Variants in MTHFD2 observed in about 807,000 individuals in gnomAD.
MTHFD2 encodes methylenetetrahydrofolate dehydrogenase (NADP+ dependent) 2, methenyltetrahydrofolate cyclohydrolase.
MTHFD2 carries 26 observed loss-of-function variants against 36.8 expected under a neutral mutation model. That is an observed-to-expected ratio of 0.71 (90% CI 0.52 to 0.98). MTHFD2 has a LOEUF of 0.98. MTHFD2 is among the 50% of genes least tolerant of loss of function. The pLI, the probability that MTHFD2 is intolerant of heterozygous loss-of-function variation, is 0.00. For missense variants in MTHFD2, 373 were observed against 434.0 expected, an observed-to-expected ratio of 0.86 and a Z score of 1.25; for synonymous variants, 164 against 155.2, an observed-to-expected ratio of 1.06 and a Z score of -0.42.
At position 74,214,313 on chromosome 2, in the gene MTHFD2, C is replaced by G; in HGVS notation, c.*71C>G. 6.7e-7 allele frequency: 1 copy of G among 1,496,780 alleles called. No individual in the cohort carries two copies. The highest frequency in any genetic ancestry group is 9.1e-7 in the Non-Finnish European group (1 of 1,104,744). The allele number at this position is 1,496,780 out of a possible 1,614,324, so 92.7% of individuals were successfully genotyped here. On this transcript the variant is annotated 3_prime_UTR_variant, in exon 8 of 8. Coordinates refer to ENST00000394053, the MANE Select transcript of MTHFD2 (RefSeq NM_006636.4). Reference sequence around the variant, plus strand: ...GAAGCAAAGCAGGCCAATAGAAATGCAATATTTTTAATTTATTCTACTGAA... The same window carrying G: ...GAAGCAAAGCAGGCCAATAGAAATGGAATATTTTTAATTTATTCTACTGAA...
chr2:74,207,966 T>C (rs1161189814), intron 3 of MTHFD2, 140 bp downstream of exon 3: 1 of 882,464 alleles, frequency 1.1e-6, no homozygotes, highest in Admixed American at 2.5e-5. Context: ...TAGAGTGCAA[T>C]GGTACAATCA....
chr2:74,199,170 T>C lies in MTHFD2; in HGVS notation c.101+428T>C, dbSNP rs111630653. 1.7e-3 allele frequency among the ~76,000 whole-genome samples: 258 copies of C among 152,150 alleles called. 2 individuals carry two copies. Among genetic ancestry groups the C allele is most frequent in the African/African-American group, 5.9e-3 (247 of 41,520 alleles). On this transcript the variant is annotated intron_variant, in intron 1 of 7. Coordinates refer to ENST00000394053, the MANE Select transcript of MTHFD2 (RefSeq NM_006636.4). The stretch of plus-strand genomic sequence containing the variant: ...TTCCAAAAGAGCAGCCCTCGGCGAG[T>C]TGTCCTTGCGGGGACCCTAGCGGCG...
chr2:74,215,365 T>C lies in MTHFD2; in HGVS notation c.*1123T>C, dbSNP rs1215806004. On this transcript the variant is annotated 3_prime_UTR_variant, in exon 8 of 8. Coordinates refer to ENST00000394053, the MANE Select transcript of MTHFD2 (RefSeq NM_006636.4). Reference sequence around the variant, plus strand: ...TTTTCTCATTTAATCAATGTAGCTATTCCTATATTCAGTAACACTTACTTC... The same window carrying C: ...TTTTCTCATTTAATCAATGTAGCTACTCCTATATTCAGTAACACTTACTTC... 2.0e-5 allele frequency: 3 copies of C among 152,152 alleles called. No individual in the cohort carries two copies. The highest frequency in any genetic ancestry group is 7.2e-5 in the African/African-American group (3 of 41,454). 9.4% of individuals were successfully genotyped at this position (152,152 alleles called of 1,614,324 possible). A position where few individuals can be genotyped will look rare whatever the true frequency, so the allele number is the denominator to read the frequency against.
rs976266897 is a variant in MTHFD2 at position 74,214,284 on chromosome 2, T to A, written c.*42T>A. ...GTCACAAACAGCACTCCAGGCCAGC[T>A]CAAGAAGCAAAGCAGGCCAATAGAA... On this transcript the variant is annotated 3_prime_UTR_variant, in exon 8 of 8. Coordinates refer to ENST00000394053, the MANE Select transcript of MTHFD2 (RefSeq NM_006636.4). The A allele has an allele frequency of 6.3e-7, 1 of 1,588,638 alleles. No homozygotes were observed. Among genetic ancestry groups the A allele is most frequent in the Non-Finnish European group, 8.6e-7 (1 of 1,167,030 alleles).
rs1032017923 is a variant in MTHFD2 at position 74,198,630 on chromosome 2, C to A, written c.-12C>A. The stretch of plus-strand genomic sequence containing the variant: ...GCGCGCTTCCCTCCCGGCGCAGTCA[C>A]CGGCGCGGTCTATGGCTGCGACTTC... On this transcript the variant is annotated 5_prime_UTR_variant, in exon 1 of 8. Coordinates refer to ENST00000394053, the MANE Select transcript of MTHFD2 (RefSeq NM_006636.4). The A allele has an allele frequency of 6.9e-6, 11 of 1,594,456 alleles. No individual in the cohort carries two copies. The highest frequency in any genetic ancestry group is 9.4e-6 in the Non-Finnish European group (11 of 1,170,424).
Position 74,198,649 on chromosome 2 carries a change from C to A in MTHFD2, c.8C>A (p.Ala3Glu). The A allele has an allele frequency of 1.9e-6, 3 of 1,608,430 alleles. No homozygotes were observed. Among genetic ancestry groups the A allele is most frequent in the East Asian group, 2.2e-5 (1 of 44,628 alleles). MA[A>E]TSLMSALAAR... is the part of the protein sequence containing the mutation. ...CAGTCACCGGCGCGGTCTATGGCTG[C>A]GACTTCTCTAATGTCTGCTTTGGCT... Residue 3 changes from alanine (A) to glutamate (E), a missense_variant, in exon 1 of 8, where the codon GCG (alanine) becomes GAG (glutamate). Ala to Glu is a moderately radical substitution (Grantham distance 107, BLOSUM62 -1). Around this residue, in one of 2 missense-constraint regions of MTHFD2, gnomAD observed 65 missense variants for 36.1 expected, o/e 1.80. Coordinates refer to ENST00000394053, the MANE Select transcript of MTHFD2 (RefSeq NM_006636.4).
At position 74,214,306 on chromosome 2, in the gene MTHFD2, A is replaced by G. The variant is rs781376317; in HGVS notation, c.*64A>G. 2 of 1,521,412 alleles carry G rather than the reference A, an allele frequency of 1.3e-6. No homozygotes were observed. The highest frequency in any genetic ancestry group is 1.8e-6 in the Non-Finnish European group (2 of 1,122,080). 94.2% of individuals were successfully genotyped at this position (1,521,412 alleles called of 1,614,324 possible). On this transcript the variant is annotated 3_prime_UTR_variant, in exon 8 of 8. Transcript: ENST00000394053. ...AGCTCAAGAAGCAAAGCAGGCCAAT[A>G]GAAATGCAATATTTTTAATTTATTC...
At position 74,198,697 on chromosome 2, in the gene MTHFD2, A is replaced by C. The variant is rs1473434678; in HGVS notation, c.56A>C (p.His19Pro). 3.1e-6 allele frequency: 5 copies of C among 1,611,536 alleles called. No homozygotes were observed. The highest frequency in any genetic ancestry group is 4.2e-6 in the Non-Finnish European group (5 of 1,179,036). Residue 19 changes from histidine to proline, a missense_variant, in exon 1 of 8, where the codon CAC (histidine) becomes CCC (proline). Transcript: ENST00000394053. The part of the protein sequence containing the change: ...ALAARLLQPA[H>P]SCSLRLRPFH... The stretch of plus-strand genomic sequence containing the variant: ...GCTGCCCGGCTGCTGCAGCCCGCGC[A>C]CAGCTGCTCCCTTCGCCTTCGCCCT...
At position 74,205,890 on chromosome 2, in the gene MTHFD2, G is replaced by A; in HGVS notation, c.286+1G>A. 6.2e-7 allele frequency: 1 copy of A among 1,612,082 alleles called. No individual in the cohort carries two copies. ...AAAACCAGGGCAGCTGCAGTTGTGG[G>A]TATGTGTCCTTCTGAGACCTCGACT... On this transcript the variant is annotated splice_donor_variant, in intron 2 of 7. Coordinates refer to ENST00000394053, the MANE Select transcript of MTHFD2 (RefSeq NM_006636.4). LOFTEE classifies it high-confidence loss of function.
At position 74,209,928 on chromosome 2, in the gene MTHFD2, A is replaced by G. The variant is rs377757237; in HGVS notation, c.563-14A>G. On this transcript the variant is annotated splice_polypyrimidine_tract_variant and intron_variant, in intron 4 of 7. Coordinates refer to ENST00000394053, the MANE Select transcript of MTHFD2 (RefSeq NM_006636.4). The stretch of plus-strand genomic sequence containing the variant: ...CTGGCACTACTTTTAATGTCAATAC[A>G]TATATTTTTATAGGCATTCCAACCC... 13 of 1,605,012 alleles carry G rather than the reference A, an allele frequency of 8.1e-6. No homozygotes were observed. The highest frequency in any genetic ancestry group is 1.1e-5 in the Non-Finnish European group (13 of 1,175,470).
Position 74,209,840 on chromosome 2 carries a change from A to G in MTHFD2, c.563-102A>G, listed in dbSNP as rs184270856. ...ATTATGTGTAGCAAGTTACAGCTCC[A>G]GTTGACTGATGAGGCAAAATTGGGT... is the stretch of plus-strand genomic sequence containing the variant. On this transcript the variant is annotated intron_variant, in intron 4 of 7. Coordinates refer to ENST00000394053, the MANE Select transcript of MTHFD2 (RefSeq NM_006636.4). 1.8e-4 allele frequency: 141 copies of G among 787,026 alleles called. No individual in the cohort carries two copies. In the Middle Eastern group the frequency reaches 1.9e-3, roughly 11 times the overall value. The allele number at this position is 787,026 out of a possible 1,614,324, so 48.8% of individuals were successfully genotyped here.
chr2:74,206,163 C>A, intron 2 of MTHFD2: 1 of 269,822 alleles, frequency 3.7e-6, no homozygotes. Flanking sequence ...GATAGGTGAC[C>A]CTGAATGCAT....
Position 74,216,850 on chromosome 2 carries a change from T to A in MTHFD2, c.*2608T>A, listed in dbSNP as rs1169253039. The A allele has an allele frequency of 1.3e-5, 2 of 152,110 alleles. No homozygotes were observed. Among genetic ancestry groups the A allele is most frequent in the Non-Finnish European group, 2.9e-5 (2 of 68,046 alleles). The allele number at this position is 152,110 out of a possible 1,614,324, so 9.4% of individuals were successfully genotyped here. A position where few individuals can be genotyped will look rare whatever the true frequency, so the allele number is the denominator to read the frequency against. On this transcript the variant is annotated 3_prime_UTR_variant, in exon 8 of 8. Transcript: ENST00000394053. ...TCTTGACCTCCTGACCTCTGCTGAT[T>A]CCCCCCACCTCTGCCTCCCAAGTAG...
Position 74,215,297 on chromosome 2 carries a change from A to T in MTHFD2, c.*1055A>T, listed in dbSNP as rs1694412191. ...TGTCTGGTATGGTATGAATTTCTGAAATTCTGTCTTCCTATGACTCCTAGT... is the reference window on the plus strand; with the variant it reads ...TGTCTGGTATGGTATGAATTTCTGATATTCTGTCTTCCTATGACTCCTAGT... On this transcript the variant is annotated 3_prime_UTR_variant, in exon 8 of 8. Coordinates refer to ENST00000394053, the MANE Select transcript of MTHFD2 (RefSeq NM_006636.4). The T allele has an allele frequency of 6.6e-6, 1 of 152,338 alleles. No individual in the cohort carries two copies. The highest frequency in any genetic ancestry group is 1.5e-5 in the Non-Finnish European group (1 of 68,012). The allele number at this position is 152,338 out of a possible 1,614,324, so 9.4% of individuals were successfully genotyped here. A position where few individuals can be genotyped will look rare whatever the true frequency, so the allele number is the denominator to read the frequency against.
Position 74,216,512 on chromosome 2 carries a change from T to C in MTHFD2, c.*2270T>C, listed in dbSNP as rs1694449706. The C allele has an allele frequency of 6.6e-6, 1 of 152,262 alleles. No individual in the cohort carries two copies. The highest frequency in any genetic ancestry group is 1.5e-5 in the Non-Finnish European group (1 of 68,044). The allele number at this position is 152,262 out of a possible 1,614,324, so 9.4% of individuals were successfully genotyped here. A position where few individuals can be genotyped will look rare whatever the true frequency, so the allele number is the denominator to read the frequency against. ...CTACAATTTAATTTGGACAAAGTTC[T>C]ATTCCAGATCAGCCAGGTTTTAAAA... On this transcript the variant is annotated 3_prime_UTR_variant, in exon 8 of 8. Transcript: ENST00000394053.
intron 2 of MTHFD2, among the ~76,000 whole-genome samples, chr2:74,206,989 A>G (rs1487689915): frequency 6.6e-6 from 1 of 151,940 alleles, no homozygotes; most frequent in Non-Finnish European, 1.5e-5. Context: ...CAGCCTCCCA[A>G]AGTGCTGGGA....
At position 74,208,605 on chromosome 2, in the gene MTHFD2, C is replaced by T; in HGVS notation, c.446C>T (p.Ser149Phe). The T allele has an allele frequency of 6.2e-7, 1 of 1,614,168 alleles. No individual in the cohort carries two copies. The highest frequency in any genetic ancestry group is 8.5e-7 in the Non-Finnish European group (1 of 1,180,010). The change falls in exon 4 of 8, where the codon TCT becomes TTT. Residue 149 changes from serine to phenylalanine, a missense_variant. This residue lies in a region of MTHFD2 where 308 missense variants were observed against 397.8 expected (regional missense o/e 0.77). Coordinates refer to ENST00000394053, the MANE Select transcript of MTHFD2 (RefSeq NM_006636.4). ...GAGAGAAGGATCTGCAATGCTGTTT[C>T]TCCAGACAAGGATGTTGATGGCTTT... ...IDERRICNAV[S>F]PDKDVDGFHV...
At chr2:74,209,135 G>T (rs1362480752) in intron 4 of MTHFD2, among the ~76,000 whole-genome samples, 1 of 152,164 alleles carries the variant, frequency 6.6e-6, no homozygotes, top group Non-Finnish European at 1.5e-5. Flanking sequence ...CTCCCAGAGT[G>T]CTGGGATTAT....
chr2:74,212,260 TC>T (rs1694324553), intron 7 of MTHFD2, among the ~76,000 whole-genome samples: 1 of 96,872 alleles, frequency 1.0e-5, no homozygotes, highest in African/African-American at 5.2e-5. Context: ...TTCGTTTCTT[TC>T]TCTTTTTTTT....
Sources: gnomAD v4.1 joint callset for allele counts (sites outside exome capture counted in the v4.1 genomes callset) on GRCh38, gnomAD v4.1.1 for gene constraint, gnomAD v4.1.1 regional missense constraint, MANE v1.5 for transcripts, NCBI Gene and HGNC (gene_info 2026-07-23, HGNC 2026-07-21) for gene names.